The following SNPH variants were observed in gnomAD, a reference collection of about 807,000 sequenced individuals.
SNPH encodes the protein syntaphilin.
A neutral mutation model predicts 36.8 loss-of-function variants in SNPH; 10 were observed. The ratio of observed to expected loss-of-function variants is 0.27; its 90% CI spans 0.17 to 0.46. SNPH has a LOEUF of 0.46. Among genes scored for constraint, SNPH ranks in the 20% least tolerant of loss-of-function variants. The pLI, the probability that SNPH is intolerant of heterozygous loss-of-function variation, is 1.00. For synonymous variants in SNPH, 281 were observed against 312.2 expected, an observed-to-expected ratio of 0.90 and a Z score of 1.05; for missense variants, 622 against 744.0, an observed-to-expected ratio of 0.84 and a Z score of 1.91.
At chr20:1,279,618 C>CCTTTTTTT (rs2088192235) in intron 2 of SNPH, among the ~76,000 whole-genome samples, 1 of 123,088 alleles carries the variant, frequency 8.1e-6, no homozygotes, top group Non-Finnish European at 1.7e-5. Context: ...ACTCCGGCTT[C>CCTTTTTTT]TTTTTTTTTT....
In SNPH at chr20:1,304,782, T is replaced by C; in HGVS notation, c.441-96T>C. ...CTGAGCCACAGCAGCACAGGGCCCT[T>C]CATCCTTGGCAACAGTGTCCTCTCC... is the stretch of plus-strand genomic sequence containing the variant. On this transcript the variant is annotated intron_variant, in intron 6 of 6. Transcript: ENST00000381867. The surrounding 1 kb of genome is among the most constrained non-coding windows in gnomAD (Gnocchi z 4.3). 8.3e-7 allele frequency: 1 copy of C among 1,200,086 alleles called. No individual in the cohort carries two copies. The highest frequency in any genetic ancestry group is 1.9e-5 in the Admixed American group (1 of 51,786). 74.3% of individuals were successfully genotyped at this position (1,200,086 alleles called of 1,614,324 possible). A position where few individuals can be genotyped will look rare whatever the true frequency, so the allele number is the denominator to read the frequency against.
rs747359024 is a variant in SNPH, at chr20:1,297,166, C to A, written c.204C>A (p.Ser68Arg). 1 of 1,613,592 alleles carries A rather than the reference C, an allele frequency of 6.2e-7. No homozygotes were observed. Residue 68 changes from serine (S) to arginine (R), a missense_variant, in exon 5 of 7, where the codon AGC (serine) becomes AGA (arginine). Physicochemically the swap from Ser to Arg is moderately radical, Grantham distance 110. Around this residue, in one of 3 missense-constraint regions of SNPH, gnomAD observed 187 missense variants for 209.4 expected, o/e 0.89. Coordinates refer to ENST00000381867, the MANE Select transcript of SNPH (RefSeq NM_001318234.2). ...GSRRRTSPPV[S>R]VRDAYGTSSL... ...CCAGGCGCACCTCTCCACCTGTGAG[C>A]GTGCGGGATGCCTACGGCACCTCTT...
intron 2 of SNPH, among the ~76,000 whole-genome samples, chr20:1,289,983 G>T (rs1243033830): frequency 6.6e-6 from 1 of 152,072 alleles, no homozygotes; most frequent in Non-Finnish European, 1.5e-5. Flanking sequence ...GGCCAAGGTG[G>T]GTGGATTGCT....
intron 6 of SNPH, among the ~76,000 whole-genome samples, chr20:1,303,857 G>A (rs2088534026): frequency 6.6e-6 from 1 of 152,126 alleles, no homozygotes; most frequent in Non-Finnish European, 1.5e-5. Context: ...TAGGCTGAGG[G>A]GGCTCATGTG....
intron 2 of SNPH, among the ~76,000 whole-genome samples, chr20:1,272,005 C>G (rs1054189332): frequency 3.7e-4 from 56 of 152,104 alleles, no homozygotes; most frequent in Non-Finnish European, 6.6e-4. Flanking sequence ...CACTTAGGGT[C>G]CTCTTTACCA....
rs571597622 is a variant in SNPH at position 1,277,403 on chromosome 20, GTGTA to G, written c.-493+10647_-493+10650del. On this transcript the variant is annotated intron_variant, in intron 2 of 6. Transcript: ENST00000381867. Reference sequence around the variant, plus strand: ...TCTGTGTGTGTCTGTGTCTATGTGTGTGTATGTCTGTGTCTGTGTGTCTGTGTAT... The same window carrying G: ...TCTGTGTGTGTCTGTGTCTATGTGTGTGTCTGTGTCTGTGTGTCTGTGTAT... 3.0e-4 allele frequency among the ~76,000 whole-genome samples: 46 copies of G among 151,910 alleles called. 2 individuals carry two copies. The East Asian group carries it at 5.0e-3, about 17-fold the overall frequency.
At chr20:1,277,055 C>T (rs2088140362) in intron 2 of SNPH, among the ~76,000 whole-genome samples, 1 of 152,058 alleles carries the variant, frequency 6.6e-6, no homozygotes, top group South Asian at 2.1e-4. Flanking sequence ...AAATCAGGCC[C>T]AGGAGGAAGG....
At position 1,308,953 on chromosome 20, in the gene SNPH, G is replaced by C. The variant is rs533278599; in HGVS notation, c.*2899G>C. 1 of 152,440 alleles carries C rather than the reference G, an allele frequency of 6.6e-6. No individual in the cohort carries two copies. The highest frequency in any genetic ancestry group is 2.1e-4 in the South Asian group (1 of 4,834). 9.4% of individuals were successfully genotyped at this position (152,440 alleles called of 1,614,324 possible). ...GGGCTCTGCACAGAGAGCTGGGCTT[G>C]AGTGGAGTTTATTGTAGATTTCTCC... is the stretch of plus-strand genomic sequence containing the variant. On this transcript the variant is annotated 3_prime_UTR_variant, in exon 7 of 7. Coordinates refer to ENST00000381867, the MANE Select transcript of SNPH (RefSeq NM_001318234.2).
In SNPH at chr20:1,295,918, G is replaced by A; in HGVS notation, c.-322G>A. The A allele has an allele frequency of 3.3e-6, 1 of 298,756 alleles. No individual in the cohort carries two copies. The highest frequency in any genetic ancestry group is 1.1e-4 in the South Asian group (1 of 9,306). 18.5% of individuals were successfully genotyped at this position (298,756 alleles called of 1,614,324 possible). ...AGAGGGAGGACTGAACAGCAAGGGGGTGTGTGGGTCTGAGTATCAGGGTCC... is the reference window on the plus strand; with the variant it reads ...AGAGGGAGGACTGAACAGCAAGGGGATGTGTGGGTCTGAGTATCAGGGTCC... On this transcript the variant is annotated 5_prime_UTR_variant, in exon 4 of 7. The change creates a new upstream start codon in the 5' untranslated region. Transcript: ENST00000381867.
chr20:1,266,597 G>T lies in SNPH; in HGVS notation c.-599-57G>T, dbSNP rs1232242046. ...CAGCGGCCGGGGGCTCAGCTGCCTG[G>T]GTGTTCCCCGCCCGCGCTCACCCGC... On this transcript the variant is annotated intron_variant, in intron 1 of 6. Transcript: ENST00000381867. The surrounding 1 kb of genome is among the most constrained non-coding windows in gnomAD (Gnocchi z 6.0). 1 of 1,417,272 alleles carries T rather than the reference G, an allele frequency of 7.1e-7. No homozygotes were observed. Among genetic ancestry groups the T allele is most frequent in the South Asian group, 1.6e-5 (1 of 61,760 alleles). 87.8% of individuals were successfully genotyped at this position (1,417,272 alleles called of 1,614,324 possible).
intron 2 of SNPH, among the ~76,000 whole-genome samples, chr20:1,269,758 G>A (rs556938170): frequency 6.6e-6 from 1 of 152,318 alleles, no homozygotes; most frequent in Admixed American, 6.5e-5. Flanking sequence ...ATAATGGTTA[G>A]GCCTGAATGA....
intron 2 of SNPH, among the ~76,000 whole-genome samples, chr20:1,283,644 A>G (rs756673761): frequency 4.6e-5 from 7 of 152,212 alleles, no homozygotes; most frequent in Non-Finnish European, 1.0e-4. Context: ...ATATACATGC[A>G]GGTCTTTAAG....
In SNPH at chr20:1,294,872, G is replaced by C. The variant is rs1171038021; in HGVS notation, c.-492-79G>C. The stretch of plus-strand genomic sequence containing the variant: ...TGGCTCTGCCACACACCTGGGATGT[G>C]ACTTGGCCAAGTCCCTTCCCTCTCG... On this transcript the variant is annotated intron_variant, in intron 2 of 6. Coordinates refer to ENST00000381867, the MANE Select transcript of SNPH (RefSeq NM_001318234.2). This position sits in a 1 kb window ranked among gnomAD's most constrained non-coding sequence, Gnocchi z 4.4. 1.3e-5 allele frequency: 2 copies of C among 152,452 alleles called. No individual in the cohort carries two copies. The highest frequency in any genetic ancestry group is 2.9e-5 in the Non-Finnish European group (2 of 68,012). 9.4% of individuals were successfully genotyped at this position (152,452 alleles called of 1,614,324 possible).
Position 1,295,919 on chromosome 20 carries a change from T to G in SNPH, c.-321T>G. On this transcript the variant is annotated 5_prime_UTR_variant, in exon 4 of 7. Coordinates refer to ENST00000381867, the MANE Select transcript of SNPH (RefSeq NM_001318234.2). ...GAGGGAGGACTGAACAGCAAGGGGG[T>G]GTGTGGGTCTGAGTATCAGGGTCCT... The G allele has an allele frequency of 6.8e-6, 2 of 292,984 alleles. No homozygotes were observed. Among genetic ancestry groups the G allele is most frequent in the Non-Finnish European group, 1.3e-5 (2 of 159,620 alleles). 18.1% of individuals were successfully genotyped at this position (292,984 alleles called of 1,614,324 possible).
At chr20:1,269,805 T>G (rs542547967) in intron 2 of SNPH, among the ~76,000 whole-genome samples, 4 of 152,326 alleles carry the variant, frequency 2.6e-5, no homozygotes, top group Non-Finnish European at 4.4e-5. Context: ...TCTTCTTATG[T>G]GTTGTGCTCT....
rs1358201925 is a variant in SNPH at position 1,307,251 on chromosome 20, A to T, written c.*1197A>T. 1 of 152,378 alleles carries T rather than the reference A, an allele frequency of 6.6e-6. No homozygotes were observed. The highest frequency in any genetic ancestry group is 1.5e-5 in the Non-Finnish European group (1 of 68,026). 9.4% of individuals were successfully genotyped at this position (152,378 alleles called of 1,614,324 possible). A position where few individuals can be genotyped will look rare whatever the true frequency, so the allele number is the denominator to read the frequency against. On this transcript the variant is annotated 3_prime_UTR_variant, in exon 7 of 7. Transcript: ENST00000381867. ...GGCGCGTACTGAAGCCACGATGTTCATCCAGGCCAAAGCAGGGTGTCCTGG... is the reference window on the plus strand; with the variant it reads ...GGCGCGTACTGAAGCCACGATGTTCTTCCAGGCCAAAGCAGGGTGTCCTGG...
At chr20:1,282,810 T>A (rs551402030) in intron 2 of SNPH, among the ~76,000 whole-genome samples, 1 of 152,294 alleles carries the variant, frequency 6.6e-6, no homozygotes, top group South Asian at 2.1e-4. Flanking sequence ...TCTTCACAAC[T>A]GAAACCCCAT....
At chr20:1,292,914 T>C (rs2088381332) in intron 2 of SNPH, among the ~76,000 whole-genome samples, 1 of 152,226 alleles carries the variant, frequency 6.6e-6, no homozygotes, top group Non-Finnish European at 1.5e-5. Context: ...GAAGACACTA[T>C]TATGGCTTGA....
Position 1,296,302 on chromosome 20 carries a change from C to T in SNPH, c.63C>T (p.Pro21=), listed in dbSNP as rs2088432525. 6.3e-7 allele frequency: 1 copy of T among 1,581,794 alleles called. No individual in the cohort carries two copies. The highest frequency in any genetic ancestry group is 8.6e-7 in the Non-Finnish European group (1 of 1,165,946). ...TWPGPALSAG[P]PTRPLSSAPG... is the part of the protein sequence containing the mutation. Reference sequence around the variant, plus strand: ...CTGGCCCGGCCCTTTCTGCGGGCCCCCCAACCCGCCCTCTCTCCTCAGCCC... The same window carrying T: ...CTGGCCCGGCCCTTTCTGCGGGCCCTCCAACCCGCCCTCTCTCCTCAGCCC... The change falls in exon 4 of 7, where the codon CCC becomes CCT. Residue 21 remains proline (P), a synonymous_variant. Coordinates refer to ENST00000381867, the MANE Select transcript of SNPH (RefSeq NM_001318234.2).
Sources: gnomAD v4.1 joint callset for allele counts (sites outside exome capture counted in the v4.1 genomes callset) on GRCh38, gnomAD v4.1.1 for gene constraint, gnomAD v4.1.1 regional missense constraint, Gnocchi (gnomAD v3.1) non-coding constraint, MANE v1.5 for transcripts, NCBI Gene and HGNC (gene_info 2026-07-23, HGNC 2026-07-21) for gene names.